DPP10: variants seen among roughly 807,000 people sequenced by gnomAD.
DPP10 encodes the protein dipeptidyl peptidase like 10, also known as inactive dipeptidyl peptidase 10.
A neutral mutation model predicts 120.9 loss-of-function variants in DPP10; 33 were observed. The observed-to-expected ratio is 0.27, with a 90% CI of 0.21 to 0.37. The LOEUF (loss-of-function observed/expected upper bound fraction) is 0.37. Ranked by LOEUF, DPP10 falls within the 10% of genes least tolerant of loss-of-function variation. The pLI, the probability that DPP10 is intolerant of heterozygous loss-of-function variation, is 1.00. For missense variants in DPP10, 816 were observed against 942.8 expected, an observed-to-expected ratio of 0.87 and a Z score of 1.76; for synonymous variants, 337 against 326.1, an observed-to-expected ratio of 1.03 and a Z score of -0.36.
At chr2:115,700,058 G>A (rs191478246) in intron 7 of DPP10, among the ~76,000 whole-genome samples, 2 of 152,270 alleles carry the variant, frequency 1.3e-5, no homozygotes, top group Non-Finnish European at 2.9e-5. Context: ...GCTGGAGCAG[G>A]CATCTTCATG....
chr2:114,872,931 A>G (rs1352073134), intron 1 of DPP10, among the ~76,000 whole-genome samples: 1 of 152,234 alleles, frequency 6.6e-6, no homozygotes, highest in East Asian at 1.9e-4. Flanking sequence ...CCCACTTTGT[A>G]TAATATGTGG....
In DPP10 at chr2:114,507,880, T is replaced by C. The variant is rs1683809102; in HGVS notation, c.60+65042T>C. 2.0e-5 allele frequency among the ~76,000 whole-genome samples: 3 copies of C among 152,364 alleles called. No individual in the cohort carries two copies. The South Asian group carries it at 6.2e-4, about 32-fold the overall frequency. ...TTTCTACCACATGGTAATTGCTCAA[T>C]AAAATGTTTTTATTAGTGGTAATCA... On this transcript the variant is annotated intron_variant, in intron 1 of 25. Transcript: ENST00000410059.
intron 1 of DPP10, among the ~76,000 whole-genome samples, chr2:114,931,870 C>G (rs554305567): frequency 1.2e-4 from 18 of 152,140 alleles, no homozygotes; most frequent in Admixed American, 6.5e-4. Context: ...GAACAAATAA[C>G]TTTTTCACAT....
rs549825033 is a variant in DPP10 at position 115,151,824 on chromosome 2, CTCTT to C, written c.61-157409_61-157406del. Among the ~76,000 whole-genome samples, 437 of 151,328 alleles carry C rather than the reference CTCTT, an allele frequency of 2.9e-3. 1 individual carries two copies. The highest frequency in any genetic ancestry group is 9.5e-3 in the African/African-American group (391 of 41,244). On this transcript the variant is annotated intron_variant, in intron 1 of 25. Coordinates refer to ENST00000410059, the MANE Select transcript of DPP10 (RefSeq NM_020868.6). ...AATACATGTCACATTTTCTTGAAACCTCTTTCTTTATTTTTTAATTTCTTTTTAG... is the reference window on the plus strand; with the variant it reads ...AATACATGTCACATTTTCTTGAAACCTCTTTATTTTTTAATTTCTTTTTAG...
At chr2:115,697,070 A>C (rs1175119915) in intron 7 of DPP10, among the ~76,000 whole-genome samples, 1 of 152,146 alleles carries the variant, frequency 6.6e-6, no homozygotes, top group Non-Finnish European at 1.5e-5. Context: ...AACAAAGAAA[A>C]TAATAAATAT....
intron 1 of DPP10, among the ~76,000 whole-genome samples, chr2:115,069,671 TG>T (rs1400436075): frequency 6.6e-6 from 1 of 152,076 alleles, no homozygotes; most frequent in African/African-American, 2.4e-5. Flanking sequence ...TTTAGCATAG[TG>T]GTAAGATGTA....
At chr2:114,860,500 A>G (rs540809323) in intron 1 of DPP10, among the ~76,000 whole-genome samples, 11 of 152,336 alleles carry the variant, frequency 7.2e-5, no homozygotes, top group African/African-American at 2.2e-4. Context: ...TTAAAATTAT[A>G]TTTTATATGA....
chr2:114,722,238 A>T (rs1297387023), intron 1 of DPP10, among the ~76,000 whole-genome samples: 1 of 152,210 alleles, frequency 6.6e-6, no homozygotes, highest in African/African-American at 2.4e-5. Flanking sequence ...CTTATAAATT[A>T]TCTATTTATA....
chr2:114,643,352 G>C (rs1695858592), intron 1 of DPP10, among the ~76,000 whole-genome samples: 2 of 151,868 alleles, frequency 1.3e-5, no homozygotes, highest in South Asian at 4.1e-4. Flanking sequence ...AATGCCGCCT[G>C]GTAGAACAAA....
intron 3 of DPP10, among the ~76,000 whole-genome samples, chr2:115,367,989 C>A (rs1159302): frequency 0.69 from 104,737 of 151,946 alleles, 36,698 homozygotes; most frequent in Admixed American, 0.76. Flanking sequence ...TGTTTAGGTT[C>A]ATGTCCCTTA....
At chr2:115,265,544 T>G (rs2059423282) in intron 1 of DPP10, among the ~76,000 whole-genome samples, 1 of 152,118 alleles carries the variant, frequency 6.6e-6, no homozygotes, top group Non-Finnish European at 1.5e-5. Flanking sequence ...ATTTCACAAA[T>G]AATAATAACC....
chr2:114,737,845 G>T (rs545823890), intron 1 of DPP10, among the ~76,000 whole-genome samples: 2 of 152,208 alleles, frequency 1.3e-5, no homozygotes, highest in African/African-American at 4.8e-5. Context: ...GCTTTTACGA[G>T]AATGGAATGA....
At chr2:114,583,304 A>G (rs1558904511) in intron 1 of DPP10, among the ~76,000 whole-genome samples, 2 of 151,136 alleles carry the variant, frequency 1.3e-5, no homozygotes, top group Admixed American at 6.6e-5. Flanking sequence ...TGCCTGGCCT[A>G]TGGCCTAGTG....
Position 114,484,100 on chromosome 2 carries a change from G to A in DPP10, c.60+41262G>A, listed in dbSNP as rs551578433. On this transcript the variant is annotated intron_variant, in intron 1 of 25. Transcript: ENST00000410059. ...AATAGTGTTTGTGGAACTCAAGGGA[G>A]TGACTCCAACTTTGGAGCCGCTGAA... Among the ~76,000 whole-genome samples, 26 of 152,214 alleles carry A rather than the reference G, an allele frequency of 1.7e-4. No homozygotes were observed. The East Asian group carries it at 4.6e-3, about 27-fold the overall frequency.
intron 2 of DPP10, among the ~76,000 whole-genome samples, chr2:115,319,937 A>G (rs2061979150): frequency 6.6e-6 from 1 of 152,140 alleles, no homozygotes; most frequent in Admixed American, 6.6e-5. Flanking sequence ...TTCATTCGTA[A>G]TGGTAGGGCC....
At chr2:114,968,511 G>A (rs1699186843) in intron 1 of DPP10, among the ~76,000 whole-genome samples, 1 of 152,098 alleles carries the variant, frequency 6.6e-6, no homozygotes, top group African/African-American at 2.4e-5. Flanking sequence ...GTCACTATAT[G>A]TTCTTGGAAG....
chr2:114,543,715 T>A (rs1687136458), intron 1 of DPP10, among the ~76,000 whole-genome samples: 1 of 152,148 alleles, frequency 6.6e-6, no homozygotes, highest in African/African-American at 2.4e-5. Flanking sequence ...TTTATTTGTG[T>A]AGTGCTGCTT....
At chr2:115,495,497 G>T (rs564925054) in intron 3 of DPP10, among the ~76,000 whole-genome samples, 1 of 152,010 alleles carries the variant, frequency 6.6e-6, no homozygotes, top group Admixed American at 6.6e-5. Context: ...TAGATAAGGT[G>T]GATGCAGAAG....
intron 1 of DPP10, among the ~76,000 whole-genome samples, chr2:114,564,899 A>T (rs541206358): frequency 6.6e-6 from 1 of 152,306 alleles, no homozygotes; most frequent in Non-Finnish European, 1.5e-5. Flanking sequence ...AGATTTAAAG[A>T]TCTTCACTCA....
Sources: allele counts gnomAD v4.1 joint callset (sites outside exome capture counted in the v4.1 genomes callset), GRCh38; gene constraint gnomAD v4.1.1; transcripts MANE v1.5; gene names NCBI Gene and HGNC (gene_info 2026-07-23, HGNC 2026-07-21).